Variants in AGMO observed in about 807,000 individuals in gnomAD.
The protein encoded by AGMO is glyceryl-ether monooxygenase.
In AGMO, 75 loss-of-function variants were observed where a neutral mutation model predicts 60.2. That is an observed-to-expected ratio of 1.25 (90% confidence interval 1.03 to 1.51). The LOEUF (loss-of-function observed/expected upper bound fraction) is 1.51. Among genes scored for constraint, AGMO ranks in the 40% most tolerant of loss-of-function variants. The pLI, the probability that AGMO is intolerant of heterozygous loss-of-function variation, is 0.00. For synonymous variants in AGMO, 261 were observed against 177.1 expected, an observed-to-expected ratio of 1.47 and a Z score of -3.76; for missense variants, 763 against 525.5, an observed-to-expected ratio of 1.45 and a Z score of -4.42.
At chr7:15,192,133 G>T in the AGMO span, among the ~76,000 whole-genome samples, 1 of 152,004 alleles carries the variant, frequency 6.6e-6, no homozygotes, top group Non-Finnish European at 1.5e-5. Flanking sequence ...ATATGGAGAA[G>T]AGGCAGAAGT....
intron 3 of AGMO, among the ~76,000 whole-genome samples, chr7:15,477,410 A>G (rs967673530): frequency 3.3e-5 from 5 of 152,122 alleles, no homozygotes; most frequent in African/African-American, 1.2e-4. Flanking sequence ...ATATGATCGT[A>G]TCATGTTTCA....
rs184874565 is a variant in AGMO, at chr7:15,235,629, T to G, written c.1264-34270A>C. ...TTTGTATTTTAGAGACTAAATTAACTACTGTTTCAGAAAATAGATCCTAAA... is the reference window on the plus strand; with the variant it reads ...TTTGTATTTTAGAGACTAAATTAACGACTGTTTCAGAAAATAGATCCTAAA... On this transcript the variant is annotated intron_variant, in intron 12 of 12. Coordinates refer to ENST00000342526, the MANE Select transcript of AGMO (RefSeq NM_001004320.2). 2.6e-5 allele frequency among the ~76,000 whole-genome samples: 4 copies of G among 152,258 alleles called. No homozygotes were observed. The East Asian group carries it at 7.7e-4, about 29-fold the overall frequency.
At chr7:15,319,092 A>T (rs1039945462) in intron 12 of AGMO, among the ~76,000 whole-genome samples, 1 of 151,736 alleles carries the variant, frequency 6.6e-6, no homozygotes, top group Non-Finnish European at 1.5e-5. Flanking sequence ...ATTTTGTTCT[A>T]CCTTTGTCTT....
intron 12 of AGMO, among the ~76,000 whole-genome samples, chr7:15,305,698 C>T (rs1420185489): frequency 6.6e-6 from 1 of 151,912 alleles, no homozygotes; most frequent in Non-Finnish European, 1.5e-5. Flanking sequence ...AGACATGCAA[C>T]TAATTTACTA....
intron 12 of AGMO, among the ~76,000 whole-genome samples, chr7:15,252,549 C>T (rs973870623): frequency 5.3e-5 from 8 of 152,180 alleles, no homozygotes; most frequent in Non-Finnish European, 1.0e-4. Context: ...CAGAGGCTCT[C>T]ACTCTAATCC....
chr7:15,176,483 T>G, the AGMO span, among the ~76,000 whole-genome samples: 1 of 152,008 alleles, frequency 6.6e-6, no homozygotes, highest in Non-Finnish European at 1.5e-5. Context: ...ATTATTCACT[T>G]TCTCTTGTAT....
At chr7:15,406,708 T>C (rs1206840854) in intron 5 of AGMO, among the ~76,000 whole-genome samples, 1 of 60,672 alleles carries the variant, frequency 1.6e-5, no homozygotes, top group Non-Finnish European at 3.4e-5. Context: ...TACATATATA[T>C]GTGTATATAT....
intron 5 of AGMO, among the ~76,000 whole-genome samples, chr7:15,416,540 C>G (rs1017925432): frequency 6.6e-6 from 1 of 152,052 alleles, no homozygotes; most frequent in Non-Finnish European, 1.5e-5. Context: ...TTCTTAAGAT[C>G]ATATTCCCCT....
chr7:15,404,247 G>A (rs1294351411), intron 5 of AGMO, among the ~76,000 whole-genome samples: 1 of 151,794 alleles, frequency 6.6e-6, no homozygotes, highest in Non-Finnish European at 1.5e-5. Flanking sequence ...AAGTTTTAAA[G>A]GACTGCGTTT....
intron 3 of AGMO, among the ~76,000 whole-genome samples, chr7:15,491,272 T>G (rs1294820795): frequency 6.6e-6 from 1 of 152,148 alleles, no homozygotes; most frequent in Non-Finnish European, 1.5e-5. Context: ...TACATAATTA[T>G]TCAGTGTAAT....
intron 12 of AGMO, among the ~76,000 whole-genome samples, chr7:15,340,512 A>C (rs1407997692): frequency 6.6e-6 from 1 of 152,136 alleles, no homozygotes; most frequent in African/African-American, 2.4e-5. Flanking sequence ...GGCTGGATCC[A>C]GTACCCTCCT....
At chr7:15,499,945 A>AT (rs1215656377) in intron 3 of AGMO, among the ~76,000 whole-genome samples, 3 of 135,332 alleles carry the variant, frequency 2.2e-5, no homozygotes, top group Admixed American at 1.6e-4. Context: ...ATATATATAT[A>AT]ATATATATAT....
chr7:15,393,990 ATTAT>A (rs1040577987), intron 6 of AGMO, 119 bp downstream of exon 6: 211 of 735,690 alleles, frequency 2.9e-4, no homozygotes, highest in Non-Finnish European at 4.4e-4. Context: ...AGAAGAAACT[ATTAT>A]TTATTTGTAA....
the AGMO span, among the ~76,000 whole-genome samples, chr7:15,164,446 T>C: frequency 1.3e-5 from 2 of 151,648 alleles, no homozygotes; most frequent in Admixed American, 6.6e-5. Context: ...ATCAACAGAG[T>C]ATATAGACAA....
intron 3 of AGMO, among the ~76,000 whole-genome samples, chr7:15,437,531 CTTT>C (rs201021445): frequency 2.7e-4 from 33 of 120,586 alleles, no homozygotes; most frequent in South Asian, 5.1e-4. Context: ...AAATTTTTTC[CTTT>C]TTTTTTTTTT....
At chr7:15,404,910 T>A (rs1440886792) in intron 5 of AGMO, among the ~76,000 whole-genome samples, 1 of 151,846 alleles carries the variant, frequency 6.6e-6, no homozygotes, top group Admixed American at 6.6e-5. Flanking sequence ...GAATGTTAGA[T>A]CGCTTTGTCA....
intron 12 of AGMO, among the ~76,000 whole-genome samples, chr7:15,237,377 T>G (rs186569840): frequency 6.6e-6 from 1 of 152,266 alleles, no homozygotes; most frequent in East Asian, 1.9e-4. Flanking sequence ...TCTTTATATT[T>G]CCTGTGTTTG....
intron 12 of AGMO, among the ~76,000 whole-genome samples, chr7:15,333,163 G>A (rs4301353): frequency 0.29 from 44,009 of 151,986 alleles, 6,646 homozygotes; most frequent in East Asian, 0.47. Context: ...GCACCACTTT[G>A]TAGCTTGAAA....
At chr7:15,454,913 C>T (rs1013513438) in intron 3 of AGMO, among the ~76,000 whole-genome samples, 13 of 152,134 alleles carry the variant, frequency 8.5e-5, no homozygotes, top group African/African-American at 2.7e-4. Context: ...GATGCAACCG[C>T]TTTGAACCAT....
Sources: allele counts gnomAD v4.1 joint callset (sites outside exome capture counted in the v4.1 genomes callset), GRCh38; gene constraint gnomAD v4.1.1; transcripts MANE v1.5; gene names NCBI Gene and HGNC (gene_info 2026-07-23, HGNC 2026-07-21).